Variants in LIF observed in about 807,000 individuals in gnomAD.
LIF encodes LIF interleukin 6 family cytokine.
Under a neutral mutation model 15.0 loss-of-function variants are expected in LIF, and 9 were observed. That is an observed-to-expected ratio of 0.60 (90% CI 0.36 to 1.04). LIF has a LOEUF of 1.04. Among genes scored for constraint, LIF ranks in the 50% least tolerant of loss-of-function variants. The probability of loss-of-function intolerance (pLI) is 0.01; values close to 1 mark genes in which losing one functional copy is unlikely to be tolerated. For missense variants in LIF, 240 were observed against 266.7 expected (o/e 0.90, Z 0.70); for synonymous variants, 122 against 119.7 (o/e 1.02, Z -0.13).
At position 30,243,716 on chromosome 22, in the gene LIF, T is replaced by G. The variant is rs1160498632; in HGVS notation, c.544A>C (p.Lys182Gln). ...TTCCCCAGGAGTTGACAGCCCAGCT[T>G]CTTCTTCTGGAAGACATCCTTACCC... ...TSGKDVFQKK[K>Q]LGCQLLGKYK... The change falls in exon 3 of 3, where the codon AAG becomes CAG. Residue 182 changes from lysine (K) to glutamine (Q), a missense_variant. Physicochemically the swap from Lys to Gln is moderately conservative, Grantham distance 53. Transcript: ENST00000249075. The surrounding 1 kb of genome is among the most constrained non-coding windows in gnomAD (Gnocchi z 6.0). The G allele has an allele frequency of 1.9e-6, 3 of 1,614,232 alleles. No individual in the cohort carries two copies. The highest frequency in any genetic ancestry group is 2.2e-5 in the East Asian group (1 of 44,892).
rs1012417281 is a variant in LIF at position 30,243,548 on chromosome 22, G to T, written c.*103C>A. 2.1e-6 allele frequency: 3 copies of T among 1,448,650 alleles called. No homozygotes were observed. The highest frequency in any genetic ancestry group is 1.9e-6 in the Non-Finnish European group (2 of 1,040,806). The allele number at this position is 1,448,650 out of a possible 1,614,324, so 89.7% of individuals were successfully genotyped here. A position where few individuals can be genotyped will look rare whatever the true frequency, so the allele number is the denominator to read the frequency against. ...CGGGGTCTGCCAGCAGCCCCCATTTGGGTTTAGCGATGCCCTGGGCCCCAG... is the reference window on the plus strand; with the variant it reads ...CGGGGTCTGCCAGCAGCCCCCATTTTGGTTTAGCGATGCCCTGGGCCCCAG... On this transcript the variant is annotated 3_prime_UTR_variant, in exon 3 of 3. Transcript: ENST00000249075. The surrounding 1 kb of genome is among the most constrained non-coding windows in gnomAD (Gnocchi z 6.0).
intron 1 of LIF, 105 bp downstream of exon 1, chr22:30,246,572 T>C (rs532028707): frequency 1.0e-5 from 15 of 1,486,734 alleles, no homozygotes; most frequent in East Asian, 5.3e-5. Flanking sequence ...CAAGTGTTCG[T>C]GTGTCTGCGG....
Position 30,243,942 on chromosome 22 carries a change from G to A in LIF, c.318C>T (p.Tyr106=), listed in dbSNP as rs1928771405. 6.2e-7 allele frequency: 1 copy of A among 1,614,240 alleles called. No individual in the cohort carries two copies. Among genetic ancestry groups the A allele is most frequent in the South Asian group, 1.1e-5 (1 of 91,088 alleles). The change falls in exon 3 of 3, where the codon TAC becomes TAT. Residue 106 remains tyrosine, a synonymous_variant. Transcript: ENST00000249075. The surrounding 1 kb of genome is among the most constrained non-coding windows in gnomAD (Gnocchi z 6.0). ...GTEKAKLVEL[Y]RIVVYLGTSL... ...AGGTGCCAAGGTACACGACTATGCG[G>A]TACAGCTCCACCAGCTTGGCCTTCT...
rs779024094 is a variant in LIF, at chr22:30,241,401, C to T, written c.*2250G>A. The T allele has an allele frequency of 6.6e-6, 1 of 152,650 alleles. No individual in the cohort carries two copies. The highest frequency in any genetic ancestry group is 1.5e-5 in the Non-Finnish European group (1 of 68,100). The allele number at this position is 152,650 out of a possible 1,614,324, so 9.5% of individuals were successfully genotyped here. A position where few individuals can be genotyped will look rare whatever the true frequency, so the allele number is the denominator to read the frequency against. On this transcript the variant is annotated 3_prime_UTR_variant, in exon 3 of 3. Transcript: ENST00000249075. The surrounding 1 kb of genome is among the most constrained non-coding windows in gnomAD (Gnocchi z 4.4). ...CAGCCCCAAGCTAAGCCGGATGAAG[C>T]AGGAAGGAGAAGGCAGTCCCTGCAT... is the stretch of plus-strand genomic sequence containing the variant.
At chr22:30,246,368 G>C (rs1383093245) in intron 1 of LIF, 7 of 665,726 alleles carry the variant, frequency 1.1e-5, no homozygotes, top group Admixed American at 1.0e-4. Flanking sequence ...AGCGCAGAGG[G>C]AAGAGCAGCC....
chr22:30,243,855 G>T lies in LIF; in HGVS notation c.405C>A (p.Ser135Arg). The change falls in exon 3 of 3, where the codon AGC (serine) becomes AGA (arginine). Residue 135 changes from serine to arginine, a missense_variant. Physicochemically the swap from Ser to Arg is moderately radical, Grantham distance 110. Transcript: ENST00000249075. The surrounding 1 kb of genome is among the most constrained non-coding windows in gnomAD (Gnocchi z 6.0). ...ILNPSALSLH[S>R]KLNATADILR... ...GGATGTCGGCGGTGGCGTTGAGCTTGCTGTGGAGGCTGAGGGCACTGGGGT... is the reference window on the plus strand; with the variant it reads ...GGATGTCGGCGGTGGCGTTGAGCTTTCTGTGGAGGCTGAGGGCACTGGGGT... 1 of 1,614,256 alleles carries T rather than the reference G, an allele frequency of 6.2e-7. No homozygotes were observed.
At chr22:30,246,647 G>A (rs1248665243) in intron 1 of LIF, 30 bp downstream of exon 1, 2 of 1,549,222 alleles carry the variant, frequency 1.3e-6, no homozygotes, top group Admixed American at 1.9e-5. Flanking sequence ...CAGCGGGGAC[G>A]CGAAGCCGGC....
At chr22:30,246,389 CGGAGCGAGGA>C (rs1386978047) in intron 1 of LIF, 1 of 925,724 alleles carries the variant, frequency 1.1e-6, no homozygotes, top group Admixed American at 4.8e-5. Flanking sequence ...AGCGAGTGTC[CGGAGCGAGGA>C]GGAGGAGGAG....
In LIF at chr22:30,243,810, G is replaced by A. The variant is rs139165357; in HGVS notation, c.450C>T (p.Asn150=). 791 of 1,614,250 alleles carry A rather than the reference G, an allele frequency of 4.9e-4. No individual in the cohort carries two copies. The highest frequency in any genetic ancestry group is 6.2e-4 in the Non-Finnish European group (727 of 1,180,048). ...ACTTGCTGCACAGGCGGCACAGCACGTTGCTAAGGAGGCCTCGCAGGATGT... is the reference window on the plus strand; with the variant it reads ...ACTTGCTGCACAGGCGGCACAGCACATTGCTAAGGAGGCCTCGCAGGATGT... ...TADILRGLLS[N]VLCRLCSKYH... is the part of the protein sequence containing the mutation. The change falls in exon 3 of 3, where the codon AAC becomes AAT. Residue 150 remains asparagine, a synonymous_variant. Coordinates refer to ENST00000249075, the MANE Select transcript of LIF (RefSeq NM_002309.5). This position sits in a 1 kb window ranked among gnomAD's most constrained non-coding sequence, Gnocchi z 6.0.
Position 30,240,558 on chromosome 22 carries a change from A to C in LIF, c.*3093T>G, listed in dbSNP as rs1301897470. 1 of 152,636 alleles carries C rather than the reference A, an allele frequency of 6.6e-6. No individual in the cohort carries two copies. Among genetic ancestry groups the C allele is most frequent in the Admixed American group, 6.5e-5 (1 of 15,282 alleles). 9.5% of individuals were successfully genotyped at this position (152,636 alleles called of 1,614,324 possible). ...AATATGACATTGAATAAATAAAAAT[A>C]ATCTGTCAGTATGAAACATCCCCAC... On this transcript the variant is annotated 3_prime_UTR_variant, in exon 3 of 3. Coordinates refer to ENST00000249075, the MANE Select transcript of LIF (RefSeq NM_002309.5).
rs1218187106 is a variant in LIF at position 30,240,865 on chromosome 22, G to T, written c.*2786C>A. On this transcript the variant is annotated 3_prime_UTR_variant, in exon 3 of 3. Transcript: ENST00000249075. ...CGGCAAGGCAGAGCTGGACTGGCTG[G>T]GTCAGGGTGGAAGTGCCCCAAGTCA... The T allele has an allele frequency of 6.6e-6, 1 of 152,282 alleles. No homozygotes were observed. The highest frequency in any genetic ancestry group is 1.5e-5 in the Non-Finnish European group (1 of 68,090). The allele number at this position is 152,282 out of a possible 1,614,324, so 9.4% of individuals were successfully genotyped here. A position where few individuals can be genotyped will look rare whatever the true frequency, so the allele number is the denominator to read the frequency against.
chr22:30,244,724 A>G, intron 2 of LIF, 31 bp downstream of exon 2: 1 of 1,602,220 alleles, frequency 6.2e-7, no homozygotes, highest in South Asian at 1.1e-5. Context: ...CCTCCCTGCC[A>G]TCTCCTGTCA....
chr22:30,245,829 G>A (rs1033919135), intron 1 of LIF, among the ~76,000 whole-genome samples: 15 of 152,204 alleles, frequency 9.9e-5, no homozygotes, highest in Non-Finnish European at 2.1e-4. Flanking sequence ...AGTCGGGTGG[G>A]CGGGGAGGAA....
rs1928757935 is a variant in LIF at position 30,243,754 on chromosome 22, C to T, written c.506G>A (p.Gly169Asp). ...GACATCCTTACCCGAGGTGTCAGGGCCGTAGGTCACGTCCACATGGCCCAC... is the reference window on the plus strand; with the variant it reads ...GACATCCTTACCCGAGGTGTCAGGGTCGTAGGTCACGTCCACATGGCCCAC... ...YHVGHVDVTY[G>D]PDTSGKDVFQ... The change falls in exon 3 of 3, where the codon GGC becomes GAC. Residue 169 changes from glycine (G) to aspartate (D), a missense_variant. By Grantham distance (94) the Gly-to-Asp change is moderately conservative. Transcript: ENST00000249075. The surrounding 1 kb of genome is among the most constrained non-coding windows in gnomAD (Gnocchi z 6.0). 1.2e-6 allele frequency: 2 copies of T among 1,614,270 alleles called. No individual in the cohort carries two copies. The highest frequency in any genetic ancestry group is 8.5e-7 in the Non-Finnish European group (1 of 1,180,048).
At position 30,243,755 on chromosome 22, in the gene LIF, C is replaced by T. The variant is rs146996425; in HGVS notation, c.505G>A (p.Gly169Ser). 2.3e-5 allele frequency: 37 copies of T among 1,614,114 alleles called. No individual in the cohort carries two copies. In the East Asian group the frequency reaches 5.8e-4, roughly 25 times the overall value. ...YHVGHVDVTY[G>S]PDTSGKDVFQ... ...ACATCCTTACCCGAGGTGTCAGGGC[C>T]GTAGGTCACGTCCACATGGCCCACG... Residue 169 changes from glycine (G) to serine (S), a missense_variant, in exon 3 of 3, where the codon GGC becomes AGC. Gly to Ser is a moderately conservative substitution (Grantham distance 56, BLOSUM62 0). Transcript: ENST00000249075. The surrounding 1 kb of genome is among the most constrained non-coding windows in gnomAD (Gnocchi z 6.0).
Position 30,243,223 on chromosome 22 carries a change from C to T in LIF, c.*428G>A, listed in dbSNP as rs1928737640. On this transcript the variant is annotated 3_prime_UTR_variant, in exon 3 of 3. Coordinates refer to ENST00000249075, the MANE Select transcript of LIF (RefSeq NM_002309.5). The surrounding 1 kb of genome is among the most constrained non-coding windows in gnomAD (Gnocchi z 6.0). ...CCCTCTGGCCCACCTAAGTCCCAACCTAAGGGGCAGCAAAGGCACAGATGG... is the reference window on the plus strand; with the variant it reads ...CCCTCTGGCCCACCTAAGTCCCAACTTAAGGGGCAGCAAAGGCACAGATGG... 3 of 289,642 alleles carry T rather than the reference C, an allele frequency of 1.0e-5. No individual in the cohort carries two copies. Among genetic ancestry groups the T allele is most frequent in the Non-Finnish European group, 2.0e-5 (3 of 148,624 alleles). 17.9% of individuals were successfully genotyped at this position (289,642 alleles called of 1,614,324 possible).
At position 30,243,265 on chromosome 22, in the gene LIF, G is replaced by A; in HGVS notation, c.*386C>T. The A allele has an allele frequency of 2.9e-6, 1 of 343,954 alleles. No homozygotes were observed. Among genetic ancestry groups the A allele is most frequent in the African/African-American group, 2.1e-5 (1 of 47,424 alleles). 21.3% of individuals were successfully genotyped at this position (343,954 alleles called of 1,614,324 possible). On this transcript the variant is annotated 3_prime_UTR_variant, in exon 3 of 3. Transcript: ENST00000249075. This position sits in a 1 kb window ranked among gnomAD's most constrained non-coding sequence, Gnocchi z 6.0. ...CACAGATGGTGATAATTTGCTGGGG[G>A]CTGGTCCACTCCCCTGGGCCCTGCT...
intron 1 of LIF, among the ~76,000 whole-genome samples, 176 bp from the exon 2 acceptor site, chr22:30,245,109 C>T (rs1928832596): frequency 6.6e-6 from 1 of 152,220 alleles, no homozygotes; most frequent in Non-Finnish European, 1.5e-5. Context: ...GCGTGTGTTT[C>T]TCTGTCTCCC....
chr22:30,243,968 C>G lies in LIF; in HGVS notation c.292G>C (p.Glu98Gln), dbSNP rs1317027617. The G allele has an allele frequency of 6.2e-7, 1 of 1,614,104 alleles. No individual in the cohort carries two copies. Among genetic ancestry groups the G allele is most frequent in the Non-Finnish European group, 8.5e-7 (1 of 1,180,010 alleles). ...TACAGCTCCACCAGCTTGGCCTTCT[C>G]CGTGCCGTTGGCGTGGAAGGGCGGG... The part of the protein sequence containing the change: ...DFPPFHANGT[E>Q]KAKLVELYRI... Residue 98 changes from glutamate (E) to glutamine (Q), a missense_variant, in exon 3 of 3, where the codon GAG (glutamate) becomes CAG (glutamine). Glu to Gln is a conservative substitution (Grantham distance 29, BLOSUM62 2). Transcript: ENST00000249075. This position sits in a 1 kb window ranked among gnomAD's most constrained non-coding sequence, Gnocchi z 6.0.
Sources: allele counts gnomAD v4.1 joint callset (sites outside exome capture counted in the v4.1 genomes callset), GRCh38; gene constraint gnomAD v4.1.1; non-coding constraint Gnocchi (gnomAD v3.1); transcripts MANE v1.5; gene names NCBI Gene and HGNC (gene_info 2026-07-23, HGNC 2026-07-21).